PRKCB: variants seen among roughly 807,000 people sequenced by gnomAD.
The protein encoded by PRKCB is protein kinase C beta type.
Under a neutral mutation model 81.5 loss-of-function variants are expected in PRKCB, and 13 were observed. That is an observed-to-expected ratio of 0.16 (90% confidence interval 0.10 to 0.25). PRKCB has a LOEUF of 0.25. PRKCB is among the 10% of genes least tolerant of loss of function. PRKCB has a pLI of 1.00. For synonymous variants in PRKCB, 335 were observed against 321.4 expected (o/e 1.04, Z -0.45); for missense variants, 509 against 875.7 (o/e 0.58, Z 5.29).
At chr16:24,065,069 A>G (rs963899753) in intron 5 of PRKCB, among the ~76,000 whole-genome samples, 21 of 148,264 alleles carry the variant, frequency 1.4e-4, no homozygotes, top group African/African-American at 5.1e-4. Flanking sequence ...AAATATATAT[A>G]TATTTTTCCC....
chr16:24,067,960 G>C (rs28548742), intron 5 of PRKCB, among the ~76,000 whole-genome samples: 1 of 142,452 alleles, frequency 7.0e-6, no homozygotes, highest in Non-Finnish European at 1.5e-5. Flanking sequence ...AAAAAAAAAA[G>C]AGAGAGAGAG....
chr16:23,904,976 G>A (rs145610014), intron 2 of PRKCB, among the ~76,000 whole-genome samples: 40 of 150,506 alleles, frequency 2.7e-4, no homozygotes, highest in African/African-American at 9.8e-4. Flanking sequence ...CATGCCTGGT[G>A]TTTCTGGTGT....
chr16:24,086,878 T>C lies in PRKCB; in HGVS notation c.530-5913T>C, dbSNP rs543231317. ...AAATGCATTTTACTGTACCTTTCTT[T>C]TAAATATTTGGAGGGCCTTTAAAAT... is the stretch of plus-strand genomic sequence containing the variant. On this transcript the variant is annotated intron_variant, in intron 5 of 16. Coordinates refer to ENST00000643927, the MANE Select transcript of PRKCB (RefSeq NM_002738.7). Among the ~76,000 whole-genome samples the C allele has an allele frequency of 1.5e-3, 226 of 152,346 alleles. 1 individual carries two copies. Among genetic ancestry groups the C allele is most frequent in the Non-Finnish European group, 2.6e-3 (174 of 68,030 alleles).
At chr16:23,840,306 G>A (rs536181810) in intron 2 of PRKCB, among the ~76,000 whole-genome samples, 1 of 152,246 alleles carries the variant, frequency 6.6e-6, no homozygotes, top group East Asian at 1.9e-4. Flanking sequence ...AGAGCCCAGG[G>A]CCTCAGGTTC....
At chr16:24,039,476 C>T (rs1410036637) in intron 5 of PRKCB, among the ~76,000 whole-genome samples, 8 of 152,148 alleles carry the variant, frequency 5.3e-5, no homozygotes, top group African/African-American at 9.7e-5. Flanking sequence ...GTGATCCGCC[C>T]GCCTTGGCCT....
chr16:24,043,809 C>T (rs1046707624), intron 5 of PRKCB, among the ~76,000 whole-genome samples: 10 of 152,166 alleles, frequency 6.6e-5, no homozygotes, highest in African/African-American at 2.4e-4. Flanking sequence ...ACTGCTGGGA[C>T]CTGCAGGGCT....
chr16:24,017,322 G>C (rs777716231), intron 3 of PRKCB, among the ~76,000 whole-genome samples: 3 of 152,160 alleles, frequency 2.0e-5, no homozygotes, highest in Non-Finnish European at 2.9e-5. Flanking sequence ...TAGAAATAAA[G>C]GTCTTTCTTG....
chr16:23,971,183 T>C (rs1964550325), intron 2 of PRKCB, among the ~76,000 whole-genome samples: 1 of 152,230 alleles, frequency 6.6e-6, no homozygotes, highest in East Asian at 1.9e-4. Flanking sequence ...GTAGTTACCA[T>C]CATTGTCACC....
At chr16:24,186,657 G>A (rs1295714820) in intron 15 of PRKCB, among the ~76,000 whole-genome samples, 1 of 152,222 alleles carries the variant, frequency 6.6e-6, no homozygotes, top group Non-Finnish European at 1.5e-5. Flanking sequence ...CCTGACCCCA[G>A]CCAGATGCTG....
rs1555501178 is a variant in PRKCB, at chr16:24,182,873, T to TGTGTGTGTGTGTGTG, written c.1533+1945_1533+1946insGTGTGTGTGTGTGTG. On this transcript the variant is annotated intron_variant, in intron 13 of 16. Transcript: ENST00000643927. The stretch of plus-strand genomic sequence containing the variant: ...ATGCTTGGGCATCCCACATTGTTTC[T>TGTGTGTGTGTGTGTG]TGTGTGTGTGTGTGTGTGTGTGTGT... 1.7e-3 allele frequency among the ~76,000 whole-genome samples: 223 copies of TGTGTGTGTGTGTGTG among 133,608 alleles called. 3 individuals carry two copies. Among genetic ancestry groups the TGTGTGTGTGTGTGTG allele is most frequent in the African/African-American group, 6.4e-3 (209 of 32,640 alleles). 87.7% of individuals were successfully genotyped at this position (133,608 alleles called of 152,430 possible). A position where few individuals can be genotyped will look rare whatever the true frequency, so the allele number is the denominator to read the frequency against.
intron 5 of PRKCB, among the ~76,000 whole-genome samples, chr16:24,040,883 T>A (rs1167374297): frequency 1.3e-5 from 2 of 152,156 alleles, no homozygotes; most frequent in Non-Finnish European, 2.9e-5. Flanking sequence ...CCTTGTTCCC[T>A]GGACAATGTA....
intron 5 of PRKCB, among the ~76,000 whole-genome samples, chr16:24,076,261 G>A (rs1274893830): frequency 6.6e-6 from 1 of 152,188 alleles, no homozygotes; most frequent in Non-Finnish European, 1.5e-5. Flanking sequence ...TTGGGATTTG[G>A]ACTCAGCCTC....
intron 2 of PRKCB, among the ~76,000 whole-genome samples, chr16:23,917,673 C>T (rs1015257603): frequency 1.3e-5 from 2 of 152,244 alleles, no homozygotes; most frequent in South Asian, 2.1e-4. Flanking sequence ...TGTGACTTCT[C>T]TGCAGTTCTC....
At chr16:24,141,363 T>G (rs1966899579) in intron 9 of PRKCB, among the ~76,000 whole-genome samples, 2 of 152,000 alleles carry the variant, frequency 1.3e-5, no homozygotes, top group South Asian at 4.2e-4. Context: ...CCTGGCTAAT[T>G]TTTGTATTTT....
intron 2 of PRKCB, among the ~76,000 whole-genome samples, chr16:23,865,226 G>A (rs1199560029): frequency 1.3e-5 from 2 of 151,576 alleles, no homozygotes; most frequent in Non-Finnish European, 1.5e-5. Context: ...AAGATTGAAC[G>A]AGGAAGAAAT....
intron 7 of PRKCB, chr16:24,099,738 C>G (rs923762963): frequency 3.3e-5 from 5 of 151,976 alleles, no homozygotes; most frequent in African/African-American, 1.2e-4. Context: ...TTTGGGAGAC[C>G]GAGGCAGGTG....
chr16:24,019,884 C>G (rs1174018707), intron 3 of PRKCB, among the ~76,000 whole-genome samples: 1 of 152,118 alleles, frequency 6.6e-6, no homozygotes, highest in African/African-American at 2.4e-5. Context: ...TTTAAACAAC[C>G]CTTTCCCAGT....
intron 7 of PRKCB, 28 bp from the exon 8 acceptor site, chr16:24,112,945 T>C: frequency 6.7e-7 from 1 of 1,481,938 alleles, no homozygotes. Flanking sequence ...AGTCATGAAA[T>C]GTGTCCCACC....
intron 16 of PRKCB, among the ~76,000 whole-genome samples, chr16:24,201,628 CCT>C (rs988056689): frequency 6.6e-6 from 1 of 152,112 alleles, no homozygotes; most frequent in African/African-American, 2.4e-5. Context: ...GTCACCAGCC[CCT>C]CTTAGCCAGA....
Sources: allele counts gnomAD v4.1 joint callset (sites outside exome capture counted in the v4.1 genomes callset), GRCh38; gene constraint gnomAD v4.1.1; transcripts MANE v1.5; gene names NCBI Gene and HGNC (gene_info 2026-07-23, HGNC 2026-07-21).